IL3RA: variants seen among roughly 807,000 people sequenced by gnomAD.
The protein encoded by IL3RA is interleukin 3 receptor subunit alpha.
Under a neutral mutation model 52.3 loss-of-function variants are expected in IL3RA, and 73 were observed. The observed-to-expected ratio is 1.40, with a 90% CI of 1.16 to 1.70. The LOEUF is 1.70. Among genes scored for constraint, IL3RA ranks in the 40% most tolerant of loss-of-function variants. The pLI is 0.00. For missense variants in IL3RA, 664 were observed against 504.4 expected (o/e 1.32, Z -3.03); for synonymous variants, 260 against 194.0 (o/e 1.34, Z -2.83).
intron 3 of IL3RA, among the ~76,000 whole-genome samples, chrX:1,347,378 A>G (rs1410265719): frequency 6.0e-4 from 91 of 150,532 alleles, no homozygotes; most frequent in Non-Finnish European, 9.6e-4. Flanking sequence ...TGGGAGGCAG[A>G]AGCTTGCAGT....
At position 1,349,740 on chromosome X, in the gene IL3RA, G is replaced by A. The variant is rs778791111; in HGVS notation, c.298+1195G>A. Among the ~76,000 whole-genome samples, 6 of 151,986 alleles carry A rather than the reference G, an allele frequency of 3.9e-5. No individual in the cohort carries two copies. In the South Asian group the frequency reaches 6.2e-4, roughly 16 times the overall value. On this transcript the variant is annotated intron_variant, in intron 4 of 11. Transcript: ENST00000331035. ...TGCAGTGGTGCGATTTCAGCTTACC[G>A]CAAACTCCGCCTCCCGGGTTCAAGC...
chrX:1,365,340 GGGGTGAGCGGGGTGAGCGGGGTGAGCC>G (rs2087874861), intron 9 of IL3RA, 88 bp downstream of exon 9: 2 of 462,476 alleles, frequency 4.3e-6, no homozygotes, highest in South Asian at 3.7e-5. Flanking sequence ...CGGGGTGCGC[GGGGTGAGCGGGGTGAGCGGGGTGAGCC>G]GGGTGCGCGG....
At chrX:1,363,185 TTCA>T (rs2087601896) in intron 8 of IL3RA, among the ~76,000 whole-genome samples, 1 of 152,172 alleles carries the variant, frequency 6.6e-6, no homozygotes, top group African/African-American at 2.4e-5. Context: ...GAACAGGTAT[TTCA>T]TCATAAGGCC....
intron 3 of IL3RA, among the ~76,000 whole-genome samples, chrX:1,346,998 C>T (rs1227927090): frequency 2.6e-5 from 4 of 151,096 alleles, no homozygotes; most frequent in African/African-American, 9.9e-5. Flanking sequence ...AGCGATTTTA[C>T]CATACCATGG....
chrX:1,379,132 C>T (rs1341833927), intron 10 of IL3RA, among the ~76,000 whole-genome samples: 2 of 151,262 alleles, frequency 1.3e-5, no homozygotes, highest in Admixed American at 1.3e-4. Flanking sequence ...CGTAAGCCAC[C>T]TCGCCTGGCC....
intron 9 of IL3RA, among the ~76,000 whole-genome samples, chrX:1,368,004 C>G (rs367649448): frequency 3.2e-4 from 48 of 152,168 alleles, no homozygotes; most frequent in African/African-American, 1.1e-3. Flanking sequence ...ACAGACACCC[C>G]CTGGGCCTTG....
At position 1,378,739 on chromosome X, in the gene IL3RA, G is replaced by T; in HGVS notation, c.955G>T (p.Val319Phe). 1 of 1,612,470 alleles carries T rather than the reference G, an allele frequency of 6.2e-7. No individual in the cohort carries two copies. ...LIALGTLLAL[V>F]CVFVICRRYL... ...CGCGCTGGGGACGCTGCTGGCCCTG[G>T]TCTGTGTCTTCGTGATCTGCAGAAG... Residue 319 changes from valine (V) to phenylalanine (F), a missense_variant, in exon 10 of 12, where the codon GTC becomes TTC. Val to Phe is a conservative substitution (Grantham distance 50). Transcript: ENST00000331035.
intron 9 of IL3RA, among the ~76,000 whole-genome samples, chrX:1,377,448 G>A (rs1255883273): frequency 8.4e-4 from 128 of 151,884 alleles, no homozygotes; most frequent in Admixed American, 1.2e-3. Flanking sequence ...TGGCCATGTT[G>A]GCCAGGCTGG....
chrX:1,337,145 C>T (rs1456236460), intron 1 of IL3RA, among the ~76,000 whole-genome samples: 5 of 152,182 alleles, frequency 3.3e-5, no homozygotes, highest in East Asian at 1.9e-4. Flanking sequence ...GTAAGTGGAT[C>T]GGACGCTGAA....
chrX:1,378,510 TGCAGGTG>T (rs1203232921), intron 9 of IL3RA, 142 bp from the exon 10 acceptor site: 1 of 667,454 alleles, frequency 1.5e-6, no homozygotes, highest in Non-Finnish European at 2.7e-6. Flanking sequence ...ACGGTCTCTG[TGCAGGTG>T]GCACTACTGG....
chrX:1,345,093 A>T (rs1453397919), intron 2 of IL3RA, among the ~76,000 whole-genome samples: 2 of 150,300 alleles, frequency 1.3e-5, no homozygotes, highest in African/African-American at 2.5e-5. Context: ...TGCTTGAACC[A>T]GGAGGCGGAG....
rs185875842 is a variant in IL3RA at position 1,346,446 on chromosome X, G to T, written c.183+1012G>T. The stretch of plus-strand genomic sequence containing the variant: ...GAGAGCAAGACTTCATGTCAAAAAA[G>T]AAAAAGAAAAATTAGCCGGATGTGG... On this transcript the variant is annotated intron_variant, in intron 3 of 11. Coordinates refer to ENST00000331035, the MANE Select transcript of IL3RA (RefSeq NM_002183.4). 5.2e-3 allele frequency among the ~76,000 whole-genome samples: 771 copies of T among 148,666 alleles called. 30 individuals carry two copies. The highest frequency in any genetic ancestry group is 0.018 in the African/African-American group (734 of 39,928).
chrX:1,344,349 G>T (rs751066128), intron 2 of IL3RA, among the ~76,000 whole-genome samples: 1 of 151,880 alleles, frequency 6.6e-6, no homozygotes, highest in South Asian at 2.1e-4. Context: ...CAGGATAATC[G>T]CTTGAACCCG....
At chrX:1,345,656 A>T (rs1445787429) in intron 3 of IL3RA, among the ~76,000 whole-genome samples, 1 of 151,174 alleles carries the variant, frequency 6.6e-6, no homozygotes, top group South Asian at 2.1e-4. Context: ...TGCCCGGCTA[A>T]TTTTTTTGTA....
In IL3RA at chrX:1,350,483, G is replaced by T. The variant is rs58617914; in HGVS notation, c.299-1617G>T. Among the ~76,000 whole-genome samples, 54 of 151,374 alleles carry T rather than the reference G, an allele frequency of 3.6e-4. 1 individual carries two copies. The highest frequency in any genetic ancestry group is 1.2e-3 in the African/African-American group (51 of 41,232). Reference sequence around the variant, plus strand: ...ACATGCCTGTAGTCCCAGCTACTCAGGAGGCTGAGGCAGGAGAATCACTTG... The same window carrying T: ...ACATGCCTGTAGTCCCAGCTACTCATGAGGCTGAGGCAGGAGAATCACTTG... On this transcript the variant is annotated intron_variant, in intron 4 of 11. Coordinates refer to ENST00000331035, the MANE Select transcript of IL3RA (RefSeq NM_002183.4).
At chrX:1,367,984 C>G (rs1424694842) in intron 9 of IL3RA, among the ~76,000 whole-genome samples, 15 of 152,148 alleles carry the variant, frequency 9.9e-5, no homozygotes, top group Admixed American at 2.0e-4. Flanking sequence ...GAAACAAGGT[C>G]GTCCCACTGA....
At chrX:1,348,717 T>C (rs2085929544) in intron 4 of IL3RA, among the ~76,000 whole-genome samples, 172 bp downstream of exon 4, 2 of 78,340 alleles carry the variant, frequency 2.6e-5, no homozygotes, top group African/African-American at 9.2e-5. Context: ...TTTCTGTTTC[T>C]TTCTTCCTTT....
Position 1,352,318 on chromosome X carries a change from G to A in IL3RA, c.432-4G>A, listed in dbSNP as rs2086130406. ...TCGTCCCCCAACCTTACCGCTTACC[G>A]CAGCAGGCGTCAACAGTACGAGTGT... On this transcript the variant is annotated splice_polypyrimidine_tract_variant and splice_region_variant and intron_variant, in intron 5 of 11. Transcript: ENST00000331035. 2.5e-6 allele frequency: 4 copies of A among 1,613,656 alleles called. No individual in the cohort carries two copies. The highest frequency in any genetic ancestry group is 2.2e-5 in the East Asian group (1 of 44,894).
intron 1 of IL3RA, among the ~76,000 whole-genome samples, chrX:1,339,922 C>A (rs1449430364): frequency 6.6e-6 from 1 of 152,014 alleles, no homozygotes; most frequent in Non-Finnish European, 1.5e-5. Context: ...GTCCTGTACC[C>A]CCTTGTTACG....
Sources: gnomAD v4.1 joint callset for allele counts (sites outside exome capture counted in the v4.1 genomes callset) on GRCh38, gnomAD v4.1.1 for gene constraint, MANE v1.5 for transcripts, NCBI Gene and HGNC (gene_info 2026-07-23, HGNC 2026-07-21) for gene names.